The following EPSTI1 variants were observed in gnomAD, a reference collection of about 807,000 sequenced individuals.
EPSTI1 encodes epithelial-stromal interaction protein 1.
Under a neutral mutation model 49.9 loss-of-function variants are expected in EPSTI1, and 66 were observed. The ratio of observed to expected loss-of-function variants is 1.32; its 90% confidence interval spans 1.08 to 1.62. The LOEUF is 1.62. Among genes scored for constraint, EPSTI1 ranks in the 40% most tolerant of loss-of-function variants. EPSTI1 has a pLI of 0.00. For missense variants in EPSTI1, 394 were observed against 365.5 expected (o/e 1.08, Z -0.64); for synonymous variants, 137 against 130.7 (o/e 1.05, Z -0.33).
intron 7 of EPSTI1, among the ~76,000 whole-genome samples, chr13:42,923,512 G>C (rs891578134): frequency 6.6e-6 from 1 of 152,162 alleles, no homozygotes; most frequent in Non-Finnish European, 1.5e-5. Flanking sequence ...AGTGAGCCAA[G>C]ATCATGCTGC....
intron 6 of EPSTI1, among the ~76,000 whole-genome samples, chr13:42,936,849 TTTC>T (rs1286509617): frequency 3.9e-5 from 6 of 152,202 alleles, no homozygotes; most frequent in African/African-American, 1.4e-4. Context: ...TCTTGATATT[TTTC>T]TTCCCAAACC....
Position 42,992,010 on chromosome 13 carries a change from C to T in EPSTI1, c.156G>A (p.Ser52=). The T allele has an allele frequency of 6.2e-7, 1 of 1,613,498 alleles. No homozygotes were observed. Among genetic ancestry groups the T allele is most frequent in the Non-Finnish European group, 8.5e-7 (1 of 1,180,050 alleles). Residue 52 remains serine (S), a synonymous_variant, in exon 1 of 11, where the codon TCG becomes TCA. Transcript: ENST00000313624. ...GGCCCGCGTGCACGACGCTCTCCCG[C>T]GAAGGGCCCTTAGGGGCTGCCTCCA... ...EGLEAAPKGP[S]RESVVHAGQR... is the part of the protein sequence containing the mutation.
At chr13:42,961,470 C>T (rs1184205551) in intron 5 of EPSTI1, among the ~76,000 whole-genome samples, 1 of 152,122 alleles carries the variant, frequency 6.6e-6, no homozygotes, top group Non-Finnish European at 1.5e-5. Context: ...AGTTACATTC[C>T]TGAACTGAAT....
intron 6 of EPSTI1, among the ~76,000 whole-genome samples, chr13:42,946,053 G>T (rs1222056976): frequency 6.6e-6 from 1 of 152,116 alleles, no homozygotes; most frequent in Non-Finnish European, 1.5e-5. Context: ...TATGGGTAAG[G>T]GATCAACTGA....
At chr13:42,962,241 G>A (rs991429136) in intron 5 of EPSTI1, among the ~76,000 whole-genome samples, 22 of 152,178 alleles carry the variant, frequency 1.4e-4, no homozygotes, top group Non-Finnish European at 2.2e-4. Flanking sequence ...AATTACCTGG[G>A]GAGCTTGTTA....
rs765968737 is a variant in EPSTI1, at chr13:42,969,112, G to A, written c.313C>T (p.Leu105=). The change falls in exon 3 of 11, where the codon CTG becomes TTG. Residue 105 remains leucine (L), a synonymous_variant. Coordinates refer to ENST00000313624, the MANE Select transcript of EPSTI1 (RefSeq NM_033255.5). ...KEQNRAKPVH[L]VPRRLGGSQS... ...TGCTTACCTAGCCGTCTGGGCACCA[G>A]GTGAACCGGTTTAGCTCTGTTCTGC... is the stretch of plus-strand genomic sequence containing the variant. 6.2e-7 allele frequency: 1 copy of A among 1,614,036 alleles called. No homozygotes were observed. Among genetic ancestry groups the A allele is most frequent in the Non-Finnish European group, 8.5e-7 (1 of 1,180,044 alleles).
At chr13:42,990,411 T>C (rs941493771) in intron 1 of EPSTI1, among the ~76,000 whole-genome samples, 1 of 152,188 alleles carries the variant, frequency 6.6e-6, no homozygotes, top group African/African-American at 2.4e-5. Flanking sequence ...AGTTAATACT[T>C]ATGCGATGAT....
At chr13:42,890,374 C>T (rs534499361) in intron 10 of EPSTI1, among the ~76,000 whole-genome samples, 5 of 150,232 alleles carry the variant, frequency 3.3e-5, no homozygotes, top group East Asian at 3.9e-4. Flanking sequence ...CCCTGCTCAC[C>T]GCAAGCTCCG....
chr13:42,973,922 A>G (rs1282990580), intron 1 of EPSTI1, among the ~76,000 whole-genome samples: 3 of 152,250 alleles, frequency 2.0e-5, no homozygotes, highest in African/African-American at 7.2e-5. Flanking sequence ...TCAATTTGTA[A>G]GATTATTTTC....
chr13:42,907,118 G>T (rs1005385062), intron 8 of EPSTI1, among the ~76,000 whole-genome samples: 1 of 152,116 alleles, frequency 6.6e-6, no homozygotes, highest in Non-Finnish European at 1.5e-5. Flanking sequence ...TGTATTTGCT[G>T]TTGCTAGTTC....
rs2040077044 is a variant in EPSTI1, at chr13:42,986,324, C to G, written c.188+5654G>C. On this transcript the variant is annotated intron_variant, in intron 1 of 10. Coordinates refer to ENST00000313624, the MANE Select transcript of EPSTI1 (RefSeq NM_033255.5). The stretch of plus-strand genomic sequence containing the variant: ...CCCTGGTTCCTGGGACAGAGCTCCC[C>G]AAACCCTTGGGATTCCCAGAGTGCT... Among the ~76,000 whole-genome samples, 4 of 152,244 alleles carry G rather than the reference C, an allele frequency of 2.6e-5. No homozygotes were observed. The South Asian group carries it at 8.3e-4, about 32-fold the overall frequency.
chr13:42,953,210 T>G lies in EPSTI1; in HGVS notation c.563+738A>C, dbSNP rs115014709. Among the ~76,000 whole-genome samples the G allele has an allele frequency of 9.9e-3, 1,503 of 151,352 alleles. 18 individuals carry two copies. Among genetic ancestry groups the G allele is most frequent in the African/African-American group, 0.034 (1,387 of 41,158 alleles). On this transcript the variant is annotated intron_variant, in intron 6 of 10. Coordinates refer to ENST00000313624, the MANE Select transcript of EPSTI1 (RefSeq NM_033255.5). ...ATGTCATTTACATATTTTATTTAATTCTTGCAAATGGCCTATAAGATAGAT... is the reference window on the plus strand; with the variant it reads ...ATGTCATTTACATATTTTATTTAATGCTTGCAAATGGCCTATAAGATAGAT...
chr13:42,893,404 G>A (rs2037095956), intron 10 of EPSTI1, among the ~76,000 whole-genome samples: 1 of 152,186 alleles, frequency 6.6e-6, no homozygotes. Flanking sequence ...AGAGGTGAAG[G>A]TGGGAGCCTG....
chr13:42,954,127 T>A (rs139458139), intron 5 of EPSTI1, 106 bp from the exon 6 acceptor site: 1 of 863,290 alleles, frequency 1.2e-6, no homozygotes, highest in Non-Finnish European at 1.8e-6. Context: ...CTGGCCTTGA[T>A]AGTCTAATAC....
At position 42,917,642 on chromosome 13, in the gene EPSTI1, GAAAAAAA is replaced by G; in HGVS notation, c.658-25_658-19del. ...CTTCTGGCCTGTAAAGGTACAAAGA[GAAAAAAA>G]AAAAAAAAAACAACTTGATAGGATA... On this transcript the variant is annotated intron_variant, in intron 7 of 10. Transcript: ENST00000313624. The G allele has an allele frequency of 1.2e-5, 5 of 425,626 alleles. No homozygotes were observed. The highest frequency in any genetic ancestry group is 3.7e-5 in the Admixed American group (1 of 27,254). The allele number at this position is 425,626 out of a possible 1,614,324, so 26.4% of individuals were successfully genotyped here.
At chr13:42,952,613 CCTT>C (rs1358983228) in intron 6 of EPSTI1, among the ~76,000 whole-genome samples, 2 of 152,150 alleles carry the variant, frequency 1.3e-5, no homozygotes, top group Admixed American at 1.3e-4. Context: ...CACTCAAATG[CCTT>C]CTTTAGAAGA....
chr13:42,962,767 G>A (rs539134047), intron 5 of EPSTI1, among the ~76,000 whole-genome samples: 16 of 151,894 alleles, frequency 1.1e-4, no homozygotes, highest in African/African-American at 3.1e-4. Flanking sequence ...GCAACAGAGT[G>A]AGACCCCGTC....
intron 8 of EPSTI1, among the ~76,000 whole-genome samples, chr13:42,910,572 C>A (rs1220554842): frequency 6.6e-6 from 1 of 151,992 alleles, no homozygotes; most frequent in African/African-American, 2.4e-5. Context: ...TTATTAAACT[C>A]CATTTGTTCT....
chr13:42,944,212 A>T (rs2038850689), intron 6 of EPSTI1, among the ~76,000 whole-genome samples: 1 of 152,352 alleles, frequency 6.6e-6, no homozygotes, highest in East Asian at 1.9e-4. Flanking sequence ...ATAAAGGCAC[A>T]TGCACACGTA....
Sources: allele counts gnomAD v4.1 joint callset (sites outside exome capture counted in the v4.1 genomes callset), GRCh38; gene constraint gnomAD v4.1.1; transcripts MANE v1.5; gene names NCBI Gene and HGNC (gene_info 2026-07-23, HGNC 2026-07-21).